The following IQSEC1 variants were observed in gnomAD, a reference collection of about 807,000 sequenced individuals.
IQSEC1 encodes IQ motif and SEC7 domain-containing protein 1.
A neutral mutation model predicts 91.0 loss-of-function variants in IQSEC1; 31 were observed. The ratio of observed to expected loss-of-function variants is 0.34; its 90% CI spans 0.26 to 0.46. The LOEUF is 0.46. IQSEC1 is among the 20% of genes least tolerant of loss of function. The pLI is 1.00. For synonymous variants in IQSEC1, 699 were observed against 662.6 expected, an observed-to-expected ratio of 1.05 and a Z score of -0.84; for missense variants, 1,388 against 1,575.6, an observed-to-expected ratio of 0.88 and a Z score of 2.02.
chr3:13,141,969 G>A (rs1040261044), intron 2 of IQSEC1, among the ~76,000 whole-genome samples: 4 of 152,190 alleles, frequency 2.6e-5, no homozygotes, highest in Non-Finnish European at 5.9e-5. Context: ...GCAGCATCAG[G>A]CAACCACACA....
In IQSEC1 at chr3:13,210,149, C is replaced by T. The variant is rs144332972; in HGVS notation, c.273-46016G>A. ...CAGCCTGGTGAATGAACATCAACCTCGGACACAAACGCACCAGGATTTTAA... is the reference window on the plus strand; with the variant it reads ...CAGCCTGGTGAATGAACATCAACCTTGGACACAAACGCACCAGGATTTTAA... On this transcript the variant is annotated intron_variant, in intron 1 of 15. Coordinates refer to the IQSEC1 transcript ENST00000648114. 7.2e-5 allele frequency among the ~76,000 whole-genome samples: 11 copies of T among 152,258 alleles called. No homozygotes were observed. The East Asian group carries it at 1.9e-3, about 27-fold the overall frequency.
At chr3:13,028,327 G>A (rs924499066) in intron 1 of IQSEC1, among the ~76,000 whole-genome samples, 4 of 152,204 alleles carry the variant, frequency 2.6e-5, no homozygotes, top group Admixed American at 6.5e-5. Context: ...CTGGGGCCAG[G>A]GACTGCTCAC....
At chr3:12,946,255 G>A (rs994635191) in intron 1 of IQSEC1, among the ~76,000 whole-genome samples, 6 of 152,188 alleles carry the variant, frequency 3.9e-5, no homozygotes, top group Non-Finnish European at 7.3e-5. Flanking sequence ...CTGCCTTGGG[G>A]ATGCTTCTCC....
chr3:12,902,131 G>GGT (rs1485575009), intron 13 of IQSEC1, among the ~76,000 whole-genome samples: 5 of 152,104 alleles, frequency 3.3e-5, no homozygotes, highest in Admixed American at 6.5e-5. Context: ...GGAAAAAGAA[G>GGT]GTAACAGAAA....
intron 1 of IQSEC1, among the ~76,000 whole-genome samples, chr3:12,996,429 C>T (rs79883609): frequency 0.023 from 3,575 of 152,258 alleles, 145 homozygotes; most frequent in African/African-American, 0.082. Flanking sequence ...CACCCTGCCT[C>T]GCTTCCAAGG....
upstream of IQSEC1, among the ~76,000 whole-genome samples, chr3:13,078,126 G>T (rs551064864): frequency 1.3e-5 from 2 of 152,314 alleles, no homozygotes; most frequent in South Asian, 4.1e-4. Context: ...GGAAGGGGGC[G>T]TGGGAGACAG....
Position 13,183,315 on chromosome 3 carries a change from T to C in IQSEC1, c.273-19182A>G, listed in dbSNP as rs901426498. 2.0e-5 allele frequency among the ~76,000 whole-genome samples: 3 copies of C among 151,842 alleles called. No individual in the cohort carries two copies. The East Asian group carries it at 5.8e-4, about 29-fold the overall frequency. ...AAGAGAAGAAATCCATATAATGAGT[T>C]TCTCATGCTGGTAATCCCAGCACTT... is the stretch of plus-strand genomic sequence containing the variant. On this transcript the variant is annotated intron_variant, in intron 1 of 15. Transcript: ENST00000648114.
chr3:12,950,067 C>A (rs954862755), intron 1 of IQSEC1, among the ~76,000 whole-genome samples: 1 of 152,188 alleles, frequency 6.6e-6, no homozygotes, highest in African/African-American at 2.4e-5. Flanking sequence ...TGCCACTATG[C>A]GACGGGGGAG....
intron 2 of IQSEC1, among the ~76,000 whole-genome samples, chr3:13,118,862 C>A (rs1203195785): frequency 6.6e-6 from 1 of 152,040 alleles, no homozygotes; most frequent in Non-Finnish European, 1.5e-5. Flanking sequence ...GTCACCAGGT[C>A]AAGAGATCAA....
At chr3:13,132,875 T>C (rs1706643620) in intron 2 of IQSEC1, among the ~76,000 whole-genome samples, 1 of 152,216 alleles carries the variant, frequency 6.6e-6, no homozygotes, top group Non-Finnish European at 1.5e-5. Context: ...AGACTTCCTT[T>C]GCACTTGTAT....
chr3:12,935,318 T>C lies in IQSEC1; in HGVS notation c.1568+130A>G. On this transcript the variant is annotated intron_variant, in intron 3 of 13. Transcript: ENST00000613206. The surrounding 1 kb of genome is among the most constrained non-coding windows in gnomAD (Gnocchi z 8.0). ...CACCGTCCTAGCCACCGACCTTGTGTGGCAGCTTCCTATGCTCATAGGCCA... is the reference window on the plus strand; with the variant it reads ...CACCGTCCTAGCCACCGACCTTGTGCGGCAGCTTCCTATGCTCATAGGCCA... The C allele has an allele frequency of 2.3e-6, 2 of 871,740 alleles. No individual in the cohort carries two copies. The highest frequency in any genetic ancestry group is 3.5e-6 in the Non-Finnish European group (2 of 570,716). The allele number at this position is 871,740 out of a possible 1,614,324, so 54.0% of individuals were successfully genotyped here.
chr3:13,090,850 G>T (rs1489631116), intron 2 of IQSEC1, among the ~76,000 whole-genome samples: 1 of 152,110 alleles, frequency 6.6e-6, no homozygotes, highest in Non-Finnish European at 1.5e-5. Context: ...CCTCAGCCGG[G>T]GACACTCAGG....
chr3:13,089,658 A>G (rs1442339013), intron 2 of IQSEC1, among the ~76,000 whole-genome samples: 1 of 152,230 alleles, frequency 6.6e-6, no homozygotes, highest in Non-Finnish European at 1.5e-5. Context: ...ACATGATGCT[A>G]AGTTAAAGAA....
intron 1 of IQSEC1, among the ~76,000 whole-genome samples, chr3:13,279,245 G>A (rs1422488751): frequency 6.6e-6 from 1 of 152,190 alleles, no homozygotes; most frequent in Non-Finnish European, 1.5e-5. Flanking sequence ...TTATGCGTCT[G>A]AACCTCTAGT....
At chr3:13,057,630 A>G (rs1486754591) in intron 1 of IQSEC1, among the ~76,000 whole-genome samples, 1 of 152,224 alleles carries the variant, frequency 6.6e-6, no homozygotes, top group Non-Finnish European at 1.5e-5. Flanking sequence ...AGCACCTGGC[A>G]CAGGGTCACA....
chr3:12,973,861 C>T (rs1418987867), intron 1 of IQSEC1, among the ~76,000 whole-genome samples: 1 of 152,126 alleles, frequency 6.6e-6, no homozygotes, highest in East Asian at 1.9e-4. Flanking sequence ...GAGCACTTCC[C>T]CAGATCATGT....
intron 1 of IQSEC1, among the ~76,000 whole-genome samples, chr3:13,237,317 C>T (rs948933541): frequency 6.6e-6 from 1 of 152,026 alleles, no homozygotes; most frequent in African/African-American, 2.4e-5. Context: ...TGGGGACAGG[C>T]CCCATCATCC....
chr3:12,902,670 CAAAAAAA>C (rs1213830618), intron 13 of IQSEC1, 96 bp downstream of exon 13: 105 of 192,632 alleles, frequency 5.5e-4, no homozygotes, highest in South Asian at 3.3e-3. Flanking sequence ...AAAAAAAAAC[CAAAAAAA>C]AAAAAAAAAA....
chr3:13,053,917 C>A (rs950087186), intron 1 of IQSEC1, among the ~76,000 whole-genome samples: 1 of 152,178 alleles, frequency 6.6e-6, no homozygotes, highest in African/African-American at 2.4e-5. Context: ...CTGGGGATAC[C>A]CCAGTGTTAA....
Sources: allele counts gnomAD v4.1 joint callset (sites outside exome capture counted in the v4.1 genomes callset), GRCh38; gene constraint gnomAD v4.1.1; non-coding constraint Gnocchi (gnomAD v3.1); transcripts MANE v1.5; gene names NCBI Gene and HGNC (gene_info 2026-07-23, HGNC 2026-07-21).